Variants in SLIT3 observed in about 807,000 individuals in gnomAD.
SLIT3 encodes the protein slit homolog 3 protein.
In SLIT3, 68 loss-of-function variants were observed where a neutral mutation model predicts 184.0. The observed-to-expected ratio is 0.37, with a 90% confidence interval of 0.30 to 0.45. The LOEUF is 0.45. Among genes scored for constraint, SLIT3 ranks in the 20% least tolerant of loss-of-function variants. The pLI is 1.00. For missense variants in SLIT3, 1,707 were observed against 2,026.0 expected (o/e 0.84, Z 3.02); for synonymous variants, 831 against 828.6 (o/e 1.00, Z -0.05).
chr5:169,119,540 G>C (rs553371069), intron 4 of SLIT3, among the ~76,000 whole-genome samples: 10 of 152,320 alleles, frequency 6.6e-5, no homozygotes, highest in Admixed American at 5.2e-4. Flanking sequence ...AAACTGGAGG[G>C]AACCAAACAC....
In SLIT3 at chr5:168,664,231, G is replaced by A. The variant is rs1453327359; in HGVS notation, c.*2223C>T. On this transcript the variant is annotated 3_prime_UTR_variant, in exon 36 of 36. Transcript: ENST00000519560. ...TGCTATTATAATAATGTTTGAAACA[G>A]GCTGAGCATAGTGGCTCACACCTGT... 6.6e-6 allele frequency: 1 copy of A among 152,132 alleles called. No individual in the cohort carries two copies. The highest frequency in any genetic ancestry group is 2.4e-5 in the African/African-American group (1 of 41,408). The allele number at this position is 152,132 out of a possible 1,614,324, so 9.4% of individuals were successfully genotyped here.
intron 7 of SLIT3, among the ~76,000 whole-genome samples, chr5:168,822,035 G>A (rs1355786217): frequency 6.6e-6 from 1 of 152,102 alleles, no homozygotes; most frequent in African/African-American, 2.4e-5. Context: ...CAGATTGCTG[G>A]GTGCCACCCC....
intron 4 of SLIT3, among the ~76,000 whole-genome samples, chr5:169,082,200 C>A (rs370950214): frequency 3.9e-5 from 6 of 152,172 alleles, no homozygotes; most frequent in Admixed American, 3.9e-4. Context: ...GTGGAAGCCA[C>A]GCCAAACAAA....
intron 4 of SLIT3, among the ~76,000 whole-genome samples, chr5:169,077,228 C>T (rs772170798): frequency 6.6e-6 from 1 of 152,114 alleles, no homozygotes. Flanking sequence ...TTTCTTTTCT[C>T]TAGTTTATTG....
At chr5:168,954,356 TTATA>T (rs1389908420) in intron 4 of SLIT3, among the ~76,000 whole-genome samples, 1 of 151,894 alleles carries the variant, frequency 6.6e-6, no homozygotes, top group Non-Finnish European at 1.5e-5. Flanking sequence ...TAATATATAA[TTATA>T]TATATAATGA....
chr5:169,153,972 T>A (rs911261193), intron 4 of SLIT3, among the ~76,000 whole-genome samples: 1 of 110,346 alleles, frequency 9.1e-6, no homozygotes, highest in South Asian at 2.9e-4. Context: ...GCTCCCAGCC[T>A]TTTTTTTTTT....
chr5:168,971,158 C>T (rs186913008), intron 4 of SLIT3, among the ~76,000 whole-genome samples: 133 of 152,324 alleles, frequency 8.7e-4, no homozygotes, highest in Non-Finnish European at 1.6e-3. Context: ...AAGGAAAGTA[C>T]GCTATTAGCA....
At chr5:168,719,338 C>CG (rs1762861721) in intron 23 of SLIT3, among the ~76,000 whole-genome samples, 2 of 152,250 alleles carry the variant, frequency 1.3e-5, no homozygotes, top group Admixed American at 1.3e-4. Flanking sequence ...AGGCGTGAGC[C>CG]ACCATGCCCG....
intron 6 of SLIT3, among the ~76,000 whole-genome samples, chr5:168,834,896 C>T (rs985372731): frequency 3.3e-5 from 5 of 152,000 alleles, no homozygotes; most frequent in African/African-American, 7.3e-5. Flanking sequence ...CCTGTCCAGA[C>T]AGGGTACCCA....
At chr5:168,830,269 A>C (rs1245559718) in intron 6 of SLIT3, among the ~76,000 whole-genome samples, 1 of 152,062 alleles carries the variant, frequency 6.6e-6, no homozygotes, top group African/African-American at 2.4e-5. Flanking sequence ...CTCCATCCTC[A>C]GCACCTCCTC....
chr5:169,173,426 G>T (rs974723732), intron 4 of SLIT3, among the ~76,000 whole-genome samples: 4 of 152,170 alleles, frequency 2.6e-5, no homozygotes, highest in Admixed American at 6.5e-5. Context: ...GGAGGAGAAG[G>T]AAGAGGTGAA....
intron 3 of SLIT3, among the ~76,000 whole-genome samples, chr5:169,238,173 T>C (rs967930402): frequency 6.6e-6 from 1 of 152,186 alleles, no homozygotes; most frequent in Admixed American, 6.5e-5. Flanking sequence ...TTTTCTTCAG[T>C]ATTGTATTGG....
At chr5:168,999,891 T>G (rs1755643687) in intron 4 of SLIT3, among the ~76,000 whole-genome samples, 1 of 152,180 alleles carries the variant, frequency 6.6e-6, no homozygotes, top group Non-Finnish European at 1.5e-5. Context: ...GTCATTCCTC[T>G]TGAGCTCGAT....
intron 1 of SLIT3, among the ~76,000 whole-genome samples, chr5:169,298,579 A>G (rs541006435): frequency 6.6e-6 from 1 of 152,346 alleles, no homozygotes; most frequent in South Asian, 2.1e-4. Context: ...TTTGCAGGGT[A>G]TACCAGAAGC....
intron 4 of SLIT3, among the ~76,000 whole-genome samples, chr5:168,981,985 A>G (rs1754962863): frequency 6.6e-6 from 1 of 152,200 alleles, no homozygotes; most frequent in Admixed American, 6.5e-5. Context: ...TAGCAATGTG[A>G]CGTTGCTGCA....
intron 4 of SLIT3, chr5:169,022,133 G>T (rs1037380679): frequency 6.6e-6 from 1 of 152,248 alleles, no homozygotes; most frequent in Non-Finnish European, 1.5e-5. Flanking sequence ...GCCACTGCAG[G>T]AGCATTCAAG....
chr5:168,709,941 AC>A (rs1380885773), intron 25 of SLIT3: 1 of 152,200 alleles, frequency 6.6e-6, no homozygotes, highest in Non-Finnish European at 1.5e-5. Flanking sequence ...ATTGGTTATA[AC>A]CCTTTTTGAA....
chr5:168,892,203 C>T (rs915110076), intron 4 of SLIT3, among the ~76,000 whole-genome samples: 3 of 152,104 alleles, frequency 2.0e-5, no homozygotes, highest in Non-Finnish European at 4.4e-5. Context: ...TCAATATATC[C>T]AAAAGATTGC....
chr5:169,017,079 T>A (rs558829114), intron 4 of SLIT3, among the ~76,000 whole-genome samples: 2 of 152,202 alleles, frequency 1.3e-5, no homozygotes, highest in Non-Finnish European at 2.9e-5. Context: ...CTGCTTTAAA[T>A]CCTCAAGTAA....
Sources: gnomAD v4.1 joint callset for allele counts (sites outside exome capture counted in the v4.1 genomes callset) on GRCh38, gnomAD v4.1.1 for gene constraint, MANE v1.5 for transcripts, NCBI Gene and HGNC (gene_info 2026-07-23, HGNC 2026-07-21) for gene names.